Variants in AGBL4 observed in about 807,000 individuals in gnomAD.
The protein encoded by AGBL4 is AGBL carboxypeptidase 4, also known as cytosolic carboxypeptidase 6.
A neutral mutation model predicts 66.4 loss-of-function variants in AGBL4; 58 were observed. That is an observed-to-expected ratio of 0.87 (90% confidence interval 0.71 to 1.09). AGBL4 has a LOEUF of 1.09. Among genes scored for constraint, AGBL4 ranks in the 50% least tolerant of loss-of-function variants. The pLI, the probability that AGBL4 is intolerant of heterozygous loss-of-function variation, is 0.00. For missense variants in AGBL4, 579 were observed against 631.0 expected (o/e 0.92, Z 0.88); for synonymous variants, 234 against 222.9 (o/e 1.05, Z -0.44).
At chr1:48,688,497 CAA>C (rs1646569333) in intron 6 of AGBL4, among the ~76,000 whole-genome samples, 1 of 152,192 alleles carries the variant, frequency 6.6e-6, no homozygotes, top group Admixed American at 6.5e-5. Flanking sequence ...ATTTATTCAA[CAA>C]AGACATTGCT....
chr1:49,773,703 G>C (rs963345158), intron 2 of AGBL4, among the ~76,000 whole-genome samples: 12 of 152,224 alleles, frequency 7.9e-5, no homozygotes, highest in African/African-American at 2.9e-4. Context: ...GCCACTGCCA[G>C]ACTCACTATC....
Position 48,835,609 on chromosome 1 carries a change from A to C in AGBL4, c.634+31582T>G, listed in dbSNP as rs78986740. 2.0e-5 allele frequency among the ~76,000 whole-genome samples: 3 copies of C among 152,302 alleles called. No individual in the cohort carries two copies. In the East Asian group the frequency reaches 5.8e-4, roughly 29 times the overall value. ...GTGAAGAAAGCAAGAATGTTACAGT[A>C]AAATGGAAGCATTCAGGGGTAGTTC... On this transcript the variant is annotated intron_variant, in intron 6 of 13. Coordinates refer to ENST00000371839, the MANE Select transcript of AGBL4 (RefSeq NM_032785.4).
chr1:48,875,852 A>G (rs765438587), intron 5 of AGBL4, among the ~76,000 whole-genome samples: 21 of 152,198 alleles, frequency 1.4e-4, no homozygotes, highest in Non-Finnish European at 2.6e-4. Flanking sequence ...GCTCAAGGTC[A>G]CAGCTGCTAA....
chr1:49,622,748 A>T (rs1645391870), intron 3 of AGBL4, among the ~76,000 whole-genome samples: 2 of 152,120 alleles, frequency 1.3e-5, no homozygotes, highest in South Asian at 4.1e-4. Context: ...TGCCATTCAC[A>T]TATAAAACGC....
chr1:48,847,363 C>G (rs1646942755), intron 6 of AGBL4, among the ~76,000 whole-genome samples: 1 of 143,722 alleles, frequency 7.0e-6, no homozygotes, highest in Non-Finnish European at 1.5e-5. Flanking sequence ...CAGCTGAAAC[C>G]AAGGTCAAAG....
chr1:49,251,666 C>T (rs1487059029), intron 3 of AGBL4, among the ~76,000 whole-genome samples: 1 of 152,194 alleles, frequency 6.6e-6, no homozygotes, highest in Non-Finnish European at 1.5e-5. Flanking sequence ...GAAGCAGGCA[C>T]CCCTGCATCT....
At chr1:49,292,430 G>C (rs1557812604) in intron 3 of AGBL4, among the ~76,000 whole-genome samples, 2 of 152,222 alleles carry the variant, frequency 1.3e-5, no homozygotes, top group African/African-American at 2.4e-5. Flanking sequence ...CTGCTGACTA[G>C]AGGGGGAACT....
chr1:49,080,781 C>T (rs1170934899), intron 4 of AGBL4, among the ~76,000 whole-genome samples: 1 of 152,138 alleles, frequency 6.6e-6, no homozygotes, highest in Admixed American at 6.5e-5. Context: ...CACCGTAATA[C>T]TTGAAACAAA....
intron 3 of AGBL4, among the ~76,000 whole-genome samples, chr1:49,693,393 A>G (rs1049776194): frequency 6.6e-6 from 1 of 152,186 alleles, no homozygotes; most frequent in Non-Finnish European, 1.5e-5. Context: ...AAGAATAAAG[A>G]GCTATTAATA....
intron 1 of AGBL4, among the ~76,000 whole-genome samples, chr1:49,933,419 G>A (rs997350081): frequency 7.6e-4 from 116 of 151,986 alleles, no homozygotes; most frequent in Non-Finnish European, 1.3e-3. Context: ...TTCAACAAAA[G>A]AATGAAAAGG....
At chr1:49,257,016 T>A (rs147473862) in intron 3 of AGBL4, among the ~76,000 whole-genome samples, 181 of 151,614 alleles carry the variant, frequency 1.2e-3, no homozygotes, top group African/African-American at 4.3e-3. Context: ...AGCAGATTAG[T>A]TTATGGACTC....
At chr1:48,707,074 G>T (rs1646892460) in intron 6 of AGBL4, among the ~76,000 whole-genome samples, 1 of 152,170 alleles carries the variant, frequency 6.6e-6, no homozygotes, top group Non-Finnish European at 1.5e-5. Context: ...CAGATGGATG[G>T]CTTGAGTCCG....
chr1:49,173,490 T>A (rs995085711), intron 4 of AGBL4, among the ~76,000 whole-genome samples: 4 of 152,214 alleles, frequency 2.6e-5, no homozygotes, highest in Admixed American at 2.0e-4. Context: ...CCATTGTATA[T>A]TTATTGTATT....
At chr1:49,901,843 A>C (rs1023174842) in intron 1 of AGBL4, among the ~76,000 whole-genome samples, 1 of 152,232 alleles carries the variant, frequency 6.6e-6, no homozygotes, top group African/African-American at 2.4e-5. Flanking sequence ...AAACAGACAC[A>C]TAGACCAAAG....
At chr1:48,527,276 G>T in the AGBL4 span, among the ~76,000 whole-genome samples, 2 of 152,004 alleles carry the variant, frequency 1.3e-5, no homozygotes, top group Non-Finnish European at 2.9e-5. Flanking sequence ...TGATAGTGGG[G>T]GAGGTGACAA....
intron 4 of AGBL4, 134 bp downstream of exon 4, chr1:49,245,636 G>A: frequency 1.7e-6 from 1 of 585,850 alleles, no homozygotes. Flanking sequence ...ATAAACTAGA[G>A]TTCTGGGTAA....
chr1:49,708,804 C>G (rs552378979), intron 2 of AGBL4, among the ~76,000 whole-genome samples: 3 of 152,262 alleles, frequency 2.0e-5, no homozygotes, highest in Admixed American at 2.0e-4. Context: ...TTTTAACAGT[C>G]AGGCCCCTAT....
At chr1:48,624,635 A>G (rs563010502) in intron 9 of AGBL4, among the ~76,000 whole-genome samples, 2 of 152,250 alleles carry the variant, frequency 1.3e-5, no homozygotes, top group African/African-American at 4.8e-5. Flanking sequence ...AGCTACCAAT[A>G]AGCATCTGGC....
At chr1:49,176,479 G>C (rs1646834028) in intron 4 of AGBL4, among the ~76,000 whole-genome samples, 2 of 152,112 alleles carry the variant, frequency 1.3e-5, no homozygotes, top group Non-Finnish European at 2.9e-5. Context: ...AGTCCCATTA[G>C]TACAGCTATC....
Sources: gnomAD v4.1 joint callset for allele counts (sites outside exome capture counted in the v4.1 genomes callset) on GRCh38, gnomAD v4.1.1 for gene constraint, MANE v1.5 for transcripts, NCBI Gene and HGNC (gene_info 2026-07-23, HGNC 2026-07-21) for gene names.